The following NXPE2 variants were observed in gnomAD, a reference collection of about 807,000 sequenced individuals.
NXPE2 encodes the protein neurexophilin and PC-esterase domain family member 2.
A neutral mutation model predicts 34.4 loss-of-function variants in NXPE2; 34 were observed. That is an observed-to-expected ratio of 0.99 (90% CI 0.75 to 1.31). NXPE2 has a LOEUF of 1.31. NXPE2 is among the 40% of genes most tolerant of loss of function. The pLI is 0.00. For synonymous variants in NXPE2, 235 were observed against 231.3 expected (o/e 1.02, Z -0.15); for missense variants, 649 against 672.5 (o/e 0.97, Z 0.39).
At position 114,706,987 on chromosome 11, in the gene NXPE2, C is replaced by T. The variant is rs7123048; in HGVS notation, c.*57C>T. ...TCTATAGATGATCTCACATATACAGCGAAGATAGTTTAATGCAATCCAAGT... is the reference window on the plus strand; with the variant it reads ...TCTATAGATGATCTCACATATACAGTGAAGATAGTTTAATGCAATCCAAGT... On this transcript the variant is annotated 3_prime_UTR_variant, in exon 6 of 6. Transcript: ENST00000389586. The T allele has an allele frequency of 3.9e-4, 514 of 1,333,736 alleles. 5 individuals are homozygous for T. In the African/African-American group the frequency reaches 5.9e-3, roughly 15 times the overall value. The allele number at this position is 1,333,736 out of a possible 1,614,324, so 82.6% of individuals were successfully genotyped here. A position where few individuals can be genotyped will look rare whatever the true frequency, so the allele number is the denominator to read the frequency against.
chr11:114,582,578 C>T, the NXPE2 span: 10 of 1,614,044 alleles, frequency 6.2e-6, no homozygotes, highest in Non-Finnish European at 7.6e-6. Flanking sequence ...GGTGGATGAG[C>T]AGCAGAGACA....
chr11:114,539,063 A>G, the NXPE2 span, among the ~76,000 whole-genome samples: 1 of 152,262 alleles, frequency 6.6e-6, no homozygotes, highest in African/African-American at 2.4e-5. Context: ...GACTGGATTA[A>G]GAAAATGTGG....
intron 4 of NXPE2, among the ~76,000 whole-genome samples, chr11:114,705,155 A>G (rs1951447171): frequency 6.6e-6 from 1 of 152,188 alleles, no homozygotes. Flanking sequence ...AGTTTAGGCT[A>G]TTTTAATAGA....
chr11:114,540,836 T>A, the NXPE2 span, among the ~76,000 whole-genome samples: 1 of 93,626 alleles, frequency 1.1e-5, no homozygotes. Context: ...TAGAAAGCCA[T>A]CTTTTTTTTT....
chr11:114,634,366 C>G, the NXPE2 span, among the ~76,000 whole-genome samples: 2 of 151,976 alleles, frequency 1.3e-5, no homozygotes, highest in Non-Finnish European at 2.9e-5. Flanking sequence ...GATATTAGCC[C>G]TTTGTCAGAT....
At chr11:114,570,175 G>A in the NXPE2 span, among the ~76,000 whole-genome samples, 1 of 152,186 alleles carries the variant, frequency 6.6e-6, no homozygotes, top group African/African-American at 2.4e-5. Context: ...ATGTACGGCT[G>A]AGCCAGTGAT....
At chr11:114,527,879 T>G in the NXPE2 span, 1 of 1,602,236 alleles carries the variant, frequency 6.2e-7, no homozygotes, top group Non-Finnish European at 8.5e-7. Flanking sequence ...CGATCCTTCA[T>G]CATTTCAACT....
the NXPE2 span, among the ~76,000 whole-genome samples, chr11:114,739,339 C>CCTT: frequency 4.8e-4 from 9 of 18,930 alleles, 1 homozygote; most frequent in Non-Finnish European, 8.9e-4. Flanking sequence ...TTCCTTCCTT[C>CCTT]CCCCCTTCCT....
At chr11:114,502,896 GCTTA>G in the NXPE2 span, among the ~76,000 whole-genome samples, 1 of 152,236 alleles carries the variant, frequency 6.6e-6, no homozygotes, top group East Asian at 1.9e-4. Flanking sequence ...TCCCCAGCTT[GCTTA>G]CTTATTTATT....
At chr11:114,679,613 C>T in intron 1 of NXPE2, 44 bp from the exon 2 acceptor site, 1 of 1,238,524 alleles carries the variant, frequency 8.1e-7, no homozygotes, top group Non-Finnish European at 1.2e-6. Context: ...CCATGTCGTA[C>T]TTATTTGATT....
chr11:114,643,633 C>A, the NXPE2 span, among the ~76,000 whole-genome samples: 2 of 151,982 alleles, frequency 1.3e-5, 1 homozygote. Context: ...TTTTGGATAC[C>A]AGTTCCATGC....
At chr11:114,614,064 C>A in the NXPE2 span, among the ~76,000 whole-genome samples, 1 of 151,348 alleles carries the variant, frequency 6.6e-6, no homozygotes, top group African/African-American at 2.4e-5. Context: ...ATAAGTGTCG[C>A]CTCATGCATA....
At chr11:114,582,879 T>C in the NXPE2 span, 1 of 1,614,178 alleles carries the variant, frequency 6.2e-7, no homozygotes, top group Non-Finnish European at 8.5e-7. Context: ...GATCTGCTGA[T>C]CTAGTTTCTC....
At chr11:114,679,790 A>G (rs1255764192) in intron 2 of NXPE2, 28 bp downstream of exon 2, 1 of 1,380,082 alleles carries the variant, frequency 7.2e-7, no homozygotes, top group African/African-American at 1.4e-5. Flanking sequence ...TAAGAATTTC[A>G]CAGAAGGTCA....
At chr11:114,670,179 T>A in the NXPE2 span, among the ~76,000 whole-genome samples, 4 of 151,880 alleles carry the variant, frequency 2.6e-5, no homozygotes, top group African/African-American at 9.7e-5. Context: ...AATGGAGCAA[T>A]CAGCCAGGAA....
the NXPE2 span, chr11:114,584,670 G>C: frequency 6.4e-6 from 1 of 156,342 alleles, no homozygotes; most frequent in Non-Finnish European, 1.4e-5. Flanking sequence ...GAGCCAAAGA[G>C]GTCAAGGAGC....
the NXPE2 span, among the ~76,000 whole-genome samples, chr11:114,782,316 G>C: frequency 6.6e-6 from 1 of 152,164 alleles, no homozygotes; most frequent in Non-Finnish European, 1.5e-5. Context: ...TGCTCTTTCT[G>C]TCTTGGCAAT....
the NXPE2 span, among the ~76,000 whole-genome samples, chr11:114,632,928 TATA>T: frequency 1.7e-4 from 16 of 96,574 alleles, no homozygotes; most frequent in South Asian, 3.0e-4. Flanking sequence ...TATATAATTA[TATA>T]ATAATATATA....
chr11:114,530,397 A>C, the NXPE2 span: 5 of 1,614,242 alleles, frequency 3.1e-6, no homozygotes, highest in Non-Finnish European at 8.5e-7. Context: ...GCCTTTGAAA[A>C]TAATTTTATC....
Sources: allele counts gnomAD v4.1 joint callset (sites outside exome capture counted in the v4.1 genomes callset), GRCh38; gene constraint gnomAD v4.1.1; transcripts MANE v1.5; gene names NCBI Gene and HGNC (gene_info 2026-07-23, HGNC 2026-07-21).